SCAPER: variants seen among roughly 807,000 people sequenced by gnomAD.
The protein encoded by SCAPER is S phase cyclin A-associated protein in the endoplasmic reticulum.
In SCAPER, 98 loss-of-function variants were observed where a neutral mutation model predicts 182.2. The observed-to-expected ratio is 0.54, with a 90% CI of 0.46 to 0.64. The LOEUF (loss-of-function observed/expected upper bound fraction) is 0.64, where lower values mean the gene tolerates loss of function less well. SCAPER is among the 30% of genes least tolerant of loss of function. The pLI, the probability that SCAPER is intolerant of heterozygous loss-of-function variation, is 0.00. For synonymous variants in SCAPER, 605 were observed against 564.6 expected, an observed-to-expected ratio of 1.07 and a Z score of -1.01; for missense variants, 1,432 against 1,690.0, an observed-to-expected ratio of 0.85 and a Z score of 2.68.
intron 20 of SCAPER, among the ~76,000 whole-genome samples, chr15:76,682,187 T>C (rs2057752863): frequency 6.6e-6 from 1 of 152,092 alleles, no homozygotes; most frequent in South Asian, 2.1e-4. Flanking sequence ...CCCAGGCACT[T>C]TGCCAGCATG....
At chr15:76,635,086 T>A (rs1476513949) in intron 21 of SCAPER, among the ~76,000 whole-genome samples, 1 of 152,146 alleles carries the variant, frequency 6.6e-6, no homozygotes, top group East Asian at 1.9e-4. Context: ...CTGAAATAAA[T>A]CTGAGCTCTA....
At chr15:76,795,496 A>T (rs1030818389) in intron 7 of SCAPER, 56 bp from the exon 8 acceptor site, 1 of 1,306,448 alleles carries the variant, frequency 7.7e-7, no homozygotes. Flanking sequence ...AAACTTCTGA[A>T]TATATGCTAA....
At chr15:76,749,205 A>C (rs2061962778) in intron 15 of SCAPER, among the ~76,000 whole-genome samples, 2 of 152,124 alleles carry the variant, frequency 1.3e-5, no homozygotes, top group Admixed American at 6.5e-5. Flanking sequence ...TTGGTTTAAT[A>C]TTTGAAAATC....
intron 4 of SCAPER, among the ~76,000 whole-genome samples, chr15:76,843,756 A>G (rs1226628889): frequency 6.6e-6 from 1 of 152,108 alleles, no homozygotes; most frequent in Non-Finnish European, 1.5e-5. Flanking sequence ...CAGGAGTTTG[A>G]GAACAGACCA....
intron 22 of SCAPER, among the ~76,000 whole-genome samples, chr15:76,605,662 T>A (rs2050322671): frequency 6.6e-6 from 1 of 152,210 alleles, no homozygotes; most frequent in African/African-American, 2.4e-5. Context: ...CTGGACTTTC[T>A]TTGGTTGGTA....
At chr15:76,818,172 C>T (rs954666072) in intron 5 of SCAPER, among the ~76,000 whole-genome samples, 5 of 152,166 alleles carry the variant, frequency 3.3e-5, no homozygotes, top group East Asian at 1.9e-4. Context: ...CTTTGACTAA[C>T]GTACAAAGCC....
intron 17 of SCAPER, among the ~76,000 whole-genome samples, chr15:76,728,204 G>A (rs1279583309): frequency 3.5e-5 from 5 of 142,426 alleles, no homozygotes; most frequent in African/African-American, 7.9e-5. Flanking sequence ...ATGCTGACCA[G>A]ACTATTTCCA....
At chr15:76,770,851 G>C (rs1179561054) in intron 10 of SCAPER, among the ~76,000 whole-genome samples, 1 of 151,972 alleles carries the variant, frequency 6.6e-6, no homozygotes, top group Admixed American at 6.6e-5. Context: ...AAAGACACAA[G>C]ATGAAAATCA....
chr15:76,740,059 A>C (rs2061464254), intron 15 of SCAPER, among the ~76,000 whole-genome samples: 1 of 152,182 alleles, frequency 6.6e-6, no homozygotes, highest in African/African-American at 2.4e-5. Flanking sequence ...CCAGCCACTC[A>C]AAAGACTGAC....
At chr15:76,798,298 C>G (rs540386619) in intron 7 of SCAPER, among the ~76,000 whole-genome samples, 1 of 149,456 alleles carries the variant, frequency 6.7e-6, no homozygotes, top group Non-Finnish European at 1.5e-5. Flanking sequence ...AGGTAGACAT[C>G]GCAGTAAGCC....
intron 14 of SCAPER, among the ~76,000 whole-genome samples, chr15:76,764,108 G>T (rs893751705): frequency 3.3e-5 from 5 of 152,304 alleles, no homozygotes; most frequent in African/African-American, 1.2e-4. Context: ...CTTCAGAAAG[G>T]ATAGTCAATT....
At chr15:76,392,670 G>A (rs139328922) in intron 27 of SCAPER, among the ~76,000 whole-genome samples, 6 of 152,320 alleles carry the variant, frequency 3.9e-5, no homozygotes, top group Admixed American at 1.3e-4. Context: ...AGGATAGATT[G>A]AGCCTGGAGG....
chr15:76,589,921 G>A (rs929884865), intron 22 of SCAPER, among the ~76,000 whole-genome samples: 2 of 152,182 alleles, frequency 1.3e-5, no homozygotes, highest in African/African-American at 4.8e-5. Context: ...CTCCAGGTAA[G>A]GTCAAATCCT....
intron 21 of SCAPER, among the ~76,000 whole-genome samples, chr15:76,637,023 T>C (rs1567664497): frequency 6.6e-6 from 1 of 152,156 alleles, no homozygotes; most frequent in Non-Finnish European, 1.5e-5. Context: ...ATACACTATA[T>C]AATCCATCCA....
chr15:76,451,286 T>C (rs1301792463), intron 25 of SCAPER, among the ~76,000 whole-genome samples: 1 of 152,206 alleles, frequency 6.6e-6, no homozygotes, highest in Non-Finnish European at 1.5e-5. Flanking sequence ...GTGTGTTATT[T>C]AGGGATTTTA....
At chr15:76,654,684 C>T (rs1200456031) in intron 21 of SCAPER, among the ~76,000 whole-genome samples, 1 of 152,180 alleles carries the variant, frequency 6.6e-6, no homozygotes, top group African/African-American at 2.4e-5. Flanking sequence ...AAGTGGTTGC[C>T]AAGGCCACCA....
intron 5 of SCAPER, among the ~76,000 whole-genome samples, chr15:76,837,334 C>T (rs1242806632): frequency 6.6e-6 from 1 of 152,122 alleles, no homozygotes; most frequent in African/African-American, 2.4e-5. Flanking sequence ...TTGAGACTGG[C>T]TAATTTATAA....
intron 23 of SCAPER, among the ~76,000 whole-genome samples, chr15:76,553,567 C>T (rs1386002293): frequency 6.6e-6 from 1 of 152,206 alleles, no homozygotes; most frequent in African/African-American, 2.4e-5. Flanking sequence ...TTGGCTGGCA[C>T]AACCCGATGG....
intron 21 of SCAPER, among the ~76,000 whole-genome samples, chr15:76,652,152 G>A (rs1350029672): frequency 5.5e-5 from 8 of 146,778 alleles, no homozygotes; most frequent in African/African-American, 1.8e-4. Context: ...GAGGGCTCAC[G>A]TGAGCCTGTA....
Sources: allele counts gnomAD v4.1 joint callset (sites outside exome capture counted in the v4.1 genomes callset), GRCh38; gene constraint gnomAD v4.1.1; transcripts MANE v1.5; gene names NCBI Gene and HGNC (gene_info 2026-07-23, HGNC 2026-07-21).